SLC9D1: variants seen among roughly 807,000 people sequenced by gnomAD.
The protein encoded by SLC9D1 is solute carrier family 9 member D1.
At chr13:113,524,716 G>A in the SLC9D1 span, among the ~76,000 whole-genome samples, 1 of 149,008 alleles carries the variant, frequency 6.7e-6, no homozygotes, top group Non-Finnish European at 1.5e-5. Flanking sequence ...TTTTTTTTTT[G>A]GTCAATGTCT....
the SLC9D1 span, among the ~76,000 whole-genome samples, chr13:113,497,044 G>A: frequency 6.6e-6 from 1 of 152,214 alleles, no homozygotes; most frequent in African/African-American, 2.4e-5. Context: ...CCGGTGACCT[G>A]CAGCTATACT....
chr13:113,510,353 C>T, the SLC9D1 span: 13 of 1,614,128 alleles, frequency 8.1e-6, no homozygotes, highest in African/African-American at 1.3e-5. Flanking sequence ...TTCATTTCCA[C>T]GTGTCTGTCC....
the SLC9D1 span, among the ~76,000 whole-genome samples, chr13:113,525,737 G>T: frequency 1.3e-5 from 2 of 151,918 alleles, no homozygotes; most frequent in Non-Finnish European, 2.9e-5. Flanking sequence ...CTCTGTGCCG[G>T]TTATTCTAGA....
chr13:113,496,039 AG>A, the SLC9D1 span: 1 of 1,564,416 alleles, frequency 6.4e-7, no homozygotes, highest in Non-Finnish European at 8.7e-7. Flanking sequence ...AGTCCTAGAG[AG>A]GGAGAGAGAG....
At chr13:113,517,898 G>A in the SLC9D1 span, among the ~76,000 whole-genome samples, 1 of 152,020 alleles carries the variant, frequency 6.6e-6, no homozygotes, top group Non-Finnish European at 1.5e-5. Flanking sequence ...CCACAGCAAG[G>A]GGTTTACAGA....
At chr13:113,513,234 T>C in the SLC9D1 span, among the ~76,000 whole-genome samples, 267 of 152,188 alleles carry the variant, frequency 1.8e-3, 1 homozygote, top group African/African-American at 6.0e-3. Flanking sequence ...GGGAGACAAG[T>C]CATGTGTGCC....
chr13:113,519,336 G>A, the SLC9D1 span, among the ~76,000 whole-genome samples: 50 of 148,462 alleles, frequency 3.4e-4, no homozygotes, highest in African/African-American at 9.9e-4. Flanking sequence ...GTGAGCCACC[G>A]CGCCCAGCCG....
the SLC9D1 span, chr13:113,547,340 G>A: frequency 1.4e-5 from 22 of 1,614,078 alleles, no homozygotes; most frequent in African/African-American, 6.7e-5. Context: ...ACGAGCTCAC[G>A]GTGCTGGTGT....
At chr13:113,511,514 TTA>T in the SLC9D1 span, among the ~76,000 whole-genome samples, 6 of 152,138 alleles carry the variant, frequency 3.9e-5, no homozygotes, top group Non-Finnish European at 7.4e-5. Context: ...GGAAAACTTT[TTA>T]AAAATCTGCG....
At chr13:113,502,205 T>G in the SLC9D1 span, among the ~76,000 whole-genome samples, 113 of 152,174 alleles carry the variant, frequency 7.4e-4, no homozygotes, top group South Asian at 1.5e-3. Context: ...ATTAACCGTT[T>G]TTGTTGTTGT....
chr13:113,538,674 G>A, the SLC9D1 span, among the ~76,000 whole-genome samples: 9 of 152,064 alleles, frequency 5.9e-5, no homozygotes, highest in Non-Finnish European at 1.2e-4. Context: ...ATTATAAATC[G>A]TAGTTCTTTA....
chr13:113,537,394 G>A, the SLC9D1 span, among the ~76,000 whole-genome samples: 435 of 152,340 alleles, frequency 2.9e-3, no homozygotes, highest in Non-Finnish European at 5.0e-3. Flanking sequence ...TGGCCGTGTC[G>A]CGTGGCGGCT....
the SLC9D1 span, among the ~76,000 whole-genome samples, chr13:113,533,661 C>A: frequency 6.6e-6 from 1 of 152,200 alleles, no homozygotes; most frequent in African/African-American, 2.4e-5. Flanking sequence ...TGGAGTTCGT[C>A]CATCAGGCGA....
the SLC9D1 span, among the ~76,000 whole-genome samples, chr13:113,513,537 G>A: frequency 2.6e-5 from 4 of 152,138 alleles, no homozygotes; most frequent in Non-Finnish European, 2.9e-5. Flanking sequence ...TTAGAGTCAA[G>A]GACTTGGACA....
At chr13:113,535,643 C>T in the SLC9D1 span, among the ~76,000 whole-genome samples, 21 of 152,328 alleles carry the variant, frequency 1.4e-4, no homozygotes, top group African/African-American at 4.6e-4. The surrounding 1 kb of genome is among the most constrained non-coding windows in gnomAD (Gnocchi z 4.1). Flanking sequence ...CACACACCTC[C>T]GAGAACTGCG....
At chr13:113,504,889 G>A in the SLC9D1 span, 1 of 152,292 alleles carries the variant, frequency 6.6e-6, no homozygotes, top group East Asian at 1.9e-4. Context: ...CCTCCACACT[G>A]TTTTCCTTAG....
At chr13:113,504,229 T>TC in the SLC9D1 span, 1 of 152,238 alleles carries the variant, frequency 6.6e-6, no homozygotes, top group Non-Finnish European at 1.5e-5. Flanking sequence ...TTTTGGGGTT[T>TC]TTTTTCCACG....
the SLC9D1 span, chr13:113,527,236 C>T: frequency 6.6e-6 from 1 of 152,186 alleles, no homozygotes; most frequent in Non-Finnish European, 1.5e-5. Flanking sequence ...AGGATAATCT[C>T]TTCTTCTCAT....
chr13:113,542,814 T>G, the SLC9D1 span, among the ~76,000 whole-genome samples: 15 of 152,114 alleles, frequency 9.9e-5, no homozygotes, highest in African/African-American at 3.4e-4. Flanking sequence ...ATTCAAAAGC[T>G]GATTCTGAAT....
Sources: allele counts gnomAD v4.1 joint callset (sites outside exome capture counted in the v4.1 genomes callset), GRCh38; gene constraint gnomAD v4.1.1; non-coding constraint Gnocchi (gnomAD v3.1); transcripts MANE v1.5; gene names NCBI Gene and HGNC (gene_info 2026-07-23, HGNC 2026-07-21).